GON4L: variants seen among roughly 807,000 people sequenced by gnomAD.
GON4L encodes GON-4-like protein.
Under a neutral mutation model 211.8 loss-of-function variants are expected in GON4L, and 87 were observed. The observed-to-expected ratio is 0.41, with a 90% CI of 0.35 to 0.49. GON4L has a LOEUF of 0.49. Among genes scored for constraint, GON4L ranks in the 20% least tolerant of loss-of-function variants. The pLI is 0.15. For missense variants in GON4L, 2,155 were observed against 2,659.5 expected, an observed-to-expected ratio of 0.81 and a Z score of 4.17; for synonymous variants, 875 against 962.6, an observed-to-expected ratio of 0.91 and a Z score of 1.68.
downstream of GON4L, chr1:155,747,503 C>A (rs1660281092): frequency 6.2e-7 from 1 of 1,607,556 alleles, no homozygotes; most frequent in African/African-American, 1.3e-5. Flanking sequence ...TTCCCCAGGA[C>A]AAGAGGCTGA....
Position 155,750,311 on chromosome 1 carries a change from G to T in GON4L, c.*273C>A, listed in dbSNP as rs1660442002. 5.0e-6 allele frequency: 3 copies of T among 599,938 alleles called. No homozygotes were observed. The highest frequency in any genetic ancestry group is 6.0e-6 in the Non-Finnish European group (2 of 335,566). 37.2% of individuals were successfully genotyped at this position (599,938 alleles called of 1,614,324 possible). A position where few individuals can be genotyped will look rare whatever the true frequency, so the allele number is the denominator to read the frequency against. ...ACAGAACAATAAATATGTGCCATCA[G>T]ACCAAAAAAAAGTAGAGAAAGGAGC... On this transcript the variant is annotated 3_prime_UTR_variant, in exon 32 of 32. Coordinates refer to ENST00000368331, the MANE Select transcript of GON4L (RefSeq NM_001282860.2).
At chr1:155,799,078 C>T (rs991293771) in intron 11 of GON4L, among the ~76,000 whole-genome samples, 3 of 152,148 alleles carry the variant, frequency 2.0e-5, no homozygotes, top group African/African-American at 7.2e-5. Context: ...CTGGAGGCCA[C>T]ACCCATCCTA....
chr1:155,821,159 A>G (rs1446660944), intron 5 of GON4L, among the ~76,000 whole-genome samples: 3 of 152,006 alleles, frequency 2.0e-5, no homozygotes, highest in African/African-American at 7.2e-5. Flanking sequence ...CCAGCTACTC[A>G]GGAGGCTGAG....
At chr1:155,806,515 C>T (rs960676712) in intron 10 of GON4L, among the ~76,000 whole-genome samples, 5 of 151,996 alleles carry the variant, frequency 3.3e-5, no homozygotes, top group African/African-American at 1.2e-4. Flanking sequence ...AAGTTTCAAA[C>T]TCCTGGACTG....
chr1:155,847,530 C>T (rs974035899), intron 2 of GON4L, among the ~76,000 whole-genome samples: 20 of 152,038 alleles, frequency 1.3e-4, no homozygotes, highest in Admixed American at 1.2e-3. Flanking sequence ...GGTGAAACCC[C>T]GTCTCTACTA....
At chr1:155,798,956 G>T (rs1666365785) in intron 11 of GON4L, among the ~76,000 whole-genome samples, 1 of 152,088 alleles carries the variant, frequency 6.6e-6, no homozygotes, top group Non-Finnish European at 1.5e-5. Flanking sequence ...TTAGTACCCT[G>T]ATTGTGGAAT....
intron 11 of GON4L, among the ~76,000 whole-genome samples, chr1:155,797,404 CAG>C (rs2102009383): frequency 6.6e-6 from 1 of 152,000 alleles, no homozygotes; most frequent in African/African-American, 2.4e-5. Context: ...GCGTGAGCCA[CAG>C]AGTCTGGCGC....
intron 11 of GON4L, among the ~76,000 whole-genome samples, chr1:155,801,215 G>T (rs1666631589): frequency 6.7e-6 from 1 of 149,506 alleles, no homozygotes; most frequent in Non-Finnish European, 1.5e-5. Flanking sequence ...AACTTTAAAA[G>T]ATATGTATCT....
At chr1:155,834,000 A>T (rs1362883843) in intron 2 of GON4L, among the ~76,000 whole-genome samples, 10 of 151,728 alleles carry the variant, frequency 6.6e-5, no homozygotes, top group Non-Finnish European at 7.4e-5. Context: ...AATTTTTAAA[A>T]TTTTCTGTAG....
Position 155,805,038 on chromosome 1 carries a change from G to C in GON4L, c.1556C>G (p.Thr519Ser), listed in dbSNP as rs908636206. Reference sequence around the variant, plus strand: ...CGTATTGGGGTCATACATATCTGGAGTGATGTCTGGAGCTTGGAGCTCTGC... The same window carrying C: ...CGTATTGGGGTCATACATATCTGGACTGATGTCTGGAGCTTGGAGCTCTGC... ...LEAELQAPDI[T>S]PDMYDPNTAD... Residue 519 changes from threonine to serine, a missense_variant, in exon 11 of 32, where the codon ACT (threonine) becomes AGT (serine). By Grantham distance (58) the Thr-to-Ser change is moderately conservative. Around this residue, in one of 6 missense-constraint regions of GON4L, gnomAD observed 551 missense variants for 854.0 expected, o/e 0.65. Coordinates refer to ENST00000368331, the MANE Select transcript of GON4L (RefSeq NM_001282860.2). 49 of 1,613,246 alleles carry C rather than the reference G, an allele frequency of 3.0e-5. No individual in the cohort carries two copies. The highest frequency in any genetic ancestry group is 4.1e-5 in the Non-Finnish European group (48 of 1,179,332).
intron 19 of GON4L, among the ~76,000 whole-genome samples, chr1:155,768,190 C>A (rs1662749809): frequency 6.6e-6 from 1 of 151,638 alleles, no homozygotes; most frequent in Non-Finnish European, 1.5e-5. Context: ...GTAATCCCAG[C>A]TACTCAGCGG....
chr1:155,822,660 A>C (rs1668837764), intron 3 of GON4L, among the ~76,000 whole-genome samples, 184 bp from the exon 4 acceptor site: 1 of 152,216 alleles, frequency 6.6e-6, no homozygotes, highest in African/African-American at 2.4e-5. Flanking sequence ...AAGATGCAAA[A>C]CTATGGAAAT....
chr1:155,777,843 T>A (rs754748017), intron 14 of GON4L, 23 bp from the exon 15 acceptor site: 1 of 1,441,866 alleles, frequency 6.9e-7, no homozygotes, highest in Non-Finnish European at 9.8e-7. Flanking sequence ...GGGAGATGAC[T>A]GAATTTGAGT....
chr1:155,783,970 T>C lies in GON4L; in HGVS notation c.1892+16A>G. On this transcript the variant is annotated intron_variant, in intron 14 of 31. Transcript: ENST00000368331. ...TTTTCCTCTATTCCAAATCTCAAGG[T>C]CTTCAACTAGCCTACCGTAGAGCTT... 6.2e-7 allele frequency: 1 copy of C among 1,612,982 alleles called. No homozygotes were observed.
intron 17 of GON4L, 108 bp from the exon 18 acceptor site, chr1:155,773,318 T>G: frequency 7.8e-7 from 1 of 1,278,258 alleles, no homozygotes; most frequent in East Asian, 2.4e-5. Flanking sequence ...CTTACCTAAC[T>G]TGATTCCCTC....
intron 8 of GON4L, among the ~76,000 whole-genome samples, chr1:155,815,039 G>T (rs147426545): frequency 1.3e-5 from 2 of 152,038 alleles, no homozygotes; most frequent in African/African-American, 4.8e-5. Flanking sequence ...GCCTGAACCC[G>T]GGAGATGGAG....
chr1:155,828,214 CG>C (rs1339825535), intron 2 of GON4L, among the ~76,000 whole-genome samples: 24 of 151,974 alleles, frequency 1.6e-4, no homozygotes, highest in Admixed American at 1.6e-3. Flanking sequence ...GTAGGCTGGG[CG>C]CAGTGGCTCA....
At chr1:155,802,471 C>T (rs1199987861) in intron 11 of GON4L, among the ~76,000 whole-genome samples, 4 of 152,188 alleles carry the variant, frequency 2.6e-5, no homozygotes, top group Non-Finnish European at 5.9e-5. Context: ...GTCACTTCTA[C>T]TCAGATGCCT....
chr1:155,815,094 A>G (rs1445742941), intron 8 of GON4L, among the ~76,000 whole-genome samples: 6 of 152,114 alleles, frequency 3.9e-5, no homozygotes. Flanking sequence ...TGGGCAACAG[A>G]GGAGACTCAA....
Sources: gnomAD v4.1 joint callset for allele counts (sites outside exome capture counted in the v4.1 genomes callset) on GRCh38, gnomAD v4.1.1 for gene constraint, gnomAD v4.1.1 regional missense constraint, MANE v1.5 for transcripts, NCBI Gene and HGNC (gene_info 2026-07-23, HGNC 2026-07-21) for gene names.